SIPA1L1: variants seen among roughly 807,000 people sequenced by gnomAD.
SIPA1L1 encodes the protein signal induced proliferation associated 1 like 1, also known as signal-induced proliferation-associated 1-like protein 1.
Under a neutral mutation model 162.7 loss-of-function variants are expected in SIPA1L1, and 26 were observed. The observed-to-expected ratio is 0.16, with a 90% confidence interval of 0.12 to 0.22. The LOEUF is 0.22. SIPA1L1 is among the 10% of genes least tolerant of loss of function. SIPA1L1 has a pLI of 1.00. For missense variants in SIPA1L1, 1,874 were observed against 2,241.0 expected (o/e 0.84, Z 3.31); for synonymous variants, 829 against 837.4 (o/e 0.99, Z 0.17).
chr14:71,573,495 G>T (rs1490375475), intron 4 of SIPA1L1: 4 of 450,040 alleles, frequency 8.9e-6, no homozygotes, highest in Non-Finnish European at 1.8e-5. Flanking sequence ...CAAGGATGTG[G>T]AGAAAGTTTG....
At chr14:71,721,996 G>T (rs750372540) in intron 17 of SIPA1L1, among the ~76,000 whole-genome samples, 12 of 152,230 alleles carry the variant, frequency 7.9e-5, no homozygotes, top group Non-Finnish European at 1.6e-4. Context: ...CTCTGTCCGT[G>T]GGTGCCAGCA....
Position 71,367,303 on chromosome 14 carries a change from C to CT in SIPA1L1, c.-465+46140dup, listed in dbSNP as rs148859626. Among the ~76,000 whole-genome samples the CT allele has an allele frequency of 6.1e-3, 795 of 130,214 alleles. 5 individuals are homozygous for CT. The highest frequency in any genetic ancestry group is 6.9e-3 in the Non-Finnish European group (421 of 60,632). The allele number at this position is 130,214 out of a possible 152,430, so 85.4% of individuals were successfully genotyped here. The stretch of plus-strand genomic sequence containing the variant: ...TAAAAAAGCTAATGAACATTCATTG[C>CT]TTTTTTTTTTTTTTTTTTCCCGATA... On this transcript the variant is annotated intron_variant, in intron 2 of 23. Transcript: ENST00000381232.
intron 17 of SIPA1L1, among the ~76,000 whole-genome samples, chr14:71,715,560 C>A (rs2083206892): frequency 6.6e-6 from 1 of 152,226 alleles, no homozygotes; most frequent in Non-Finnish European, 1.5e-5. Flanking sequence ...CCTAGTACCA[C>A]CAAACCAAAA....
chr14:71,425,908 C>G (rs557731710), intron 2 of SIPA1L1, among the ~76,000 whole-genome samples: 1 of 152,028 alleles, frequency 6.6e-6, no homozygotes, highest in African/African-American at 2.4e-5. Flanking sequence ...ATGGTTATAT[C>G]TTGCTATATT....
chr14:71,599,655 G>T (rs2036501109), intron 5 of SIPA1L1, among the ~76,000 whole-genome samples: 1 of 152,054 alleles, frequency 6.6e-6, no homozygotes, highest in East Asian at 1.9e-4. Flanking sequence ...ATACTCAGTA[G>T]TGATTGCTGG....
chr14:71,672,656 T>C (rs746830831), intron 12 of SIPA1L1, 34 bp downstream of exon 12: 4 of 1,602,762 alleles, frequency 2.5e-6, no homozygotes, highest in Non-Finnish European at 3.4e-6. Flanking sequence ...GGCCTGAGAC[T>C]CGAGTGCAGG....
At chr14:71,691,235 T>C (rs142969380) in intron 13 of SIPA1L1, among the ~76,000 whole-genome samples, 209 of 152,300 alleles carry the variant, frequency 1.4e-3, no homozygotes, top group Non-Finnish European at 2.5e-3. Flanking sequence ...GGCTGTGCCT[T>C]TTCATTATAG....
At chr14:71,322,808 A>G (rs530513291) in intron 2 of SIPA1L1, among the ~76,000 whole-genome samples, 22 of 152,346 alleles carry the variant, frequency 1.4e-4, no homozygotes, top group Admixed American at 1.3e-3. Flanking sequence ...TGAGTGAACA[A>G]GTTTGGTGAG....
intron 2 of SIPA1L1, among the ~76,000 whole-genome samples, chr14:71,383,563 CTTAA>C (rs2040078563): frequency 6.6e-6 from 1 of 152,188 alleles, no homozygotes; most frequent in Non-Finnish European, 1.5e-5. Context: ...AGAAAAGGGG[CTTAA>C]TTAGCTCATG....
chr14:71,414,573 A>G (rs969058426), intron 2 of SIPA1L1, among the ~76,000 whole-genome samples: 1 of 152,224 alleles, frequency 6.6e-6, no homozygotes, highest in African/African-American at 2.4e-5. Flanking sequence ...TGCAGATGAA[A>G]TAGTTTGGAT....
At chr14:71,370,213 G>T (rs890882772) in intron 2 of SIPA1L1, among the ~76,000 whole-genome samples, 9 of 149,686 alleles carry the variant, frequency 6.0e-5, no homozygotes, top group Non-Finnish European at 1.2e-4. Context: ...AATAGGAGTG[G>T]TGAGAGAGGG....
intron 4 of SIPA1L1, among the ~76,000 whole-genome samples, chr14:71,578,065 C>T (rs375928499): frequency 1.3e-5 from 2 of 152,240 alleles, no homozygotes; most frequent in East Asian, 3.9e-4. Flanking sequence ...CACACGCTAT[C>T]ATGCCTGGCT....
At chr14:71,542,747 CTCTTT>C (rs2054588736) in intron 4 of SIPA1L1, among the ~76,000 whole-genome samples, 1 of 136,876 alleles carries the variant, frequency 7.3e-6, no homozygotes, top group African/African-American at 2.6e-5. Context: ...TTCTCTCTCT[CTCTTT>C]TTTTTTTTTT....
intron 7 of SIPA1L1, among the ~76,000 whole-genome samples, chr14:71,636,398 A>AATCTCTATCC (rs1356440499): frequency 6.6e-6 from 1 of 152,238 alleles, no homozygotes; most frequent in Admixed American, 6.5e-5. Context: ...ATAATGGAAA[A>AATCTCTATCC]ATCTCTAAGC....
chr14:71,520,412 G>C (rs910755627), intron 3 of SIPA1L1, among the ~76,000 whole-genome samples: 3 of 152,150 alleles, frequency 2.0e-5, no homozygotes, highest in Admixed American at 1.3e-4. Flanking sequence ...TTAAATAAAT[G>C]TTATTTTGAA....
intron 2 of SIPA1L1, among the ~76,000 whole-genome samples, chr14:71,434,985 C>CT (rs1407860189): frequency 6.6e-6 from 1 of 152,132 alleles, no homozygotes; most frequent in Non-Finnish European, 1.5e-5. Flanking sequence ...TAATAATGGA[C>CT]TTTAAGTTGT....
At chr14:71,477,497 T>A (rs1210782309) in intron 2 of SIPA1L1, among the ~76,000 whole-genome samples, 1 of 152,218 alleles carries the variant, frequency 6.6e-6, no homozygotes, top group Non-Finnish European at 1.5e-5. Flanking sequence ...TCTAATTAAT[T>A]AATTAATCAA....
At chr14:71,371,665 G>T (rs992950660) in intron 2 of SIPA1L1, among the ~76,000 whole-genome samples, 1 of 152,128 alleles carries the variant, frequency 6.6e-6, no homozygotes, top group Non-Finnish European at 1.5e-5. Flanking sequence ...CTCCCAAAGT[G>T]CTGGGATTAC....
At chr14:71,336,504 G>A (rs969269744) in intron 2 of SIPA1L1, among the ~76,000 whole-genome samples, 2 of 152,154 alleles carry the variant, frequency 1.3e-5, no homozygotes, top group East Asian at 3.8e-4. Flanking sequence ...ACCTAGCTCT[G>A]TCAAAGCACA....
Sources: gnomAD v4.1 joint callset for allele counts (sites outside exome capture counted in the v4.1 genomes callset) on GRCh38, gnomAD v4.1.1 for gene constraint, MANE v1.5 for transcripts, NCBI Gene and HGNC (gene_info 2026-07-23, HGNC 2026-07-21) for gene names.